Variants in KHDRBS2 observed in about 807,000 individuals in gnomAD.
KHDRBS2 encodes the protein KH RNA binding domain containing, signal transduction associated 2, also known as KH domain-containing, RNA-binding, signal transduction-associated protein 2.
KHDRBS2 carries 26 observed loss-of-function variants against 44.3 expected under a neutral mutation model. The ratio of observed to expected loss-of-function variants is 0.59; its 90% CI spans 0.43 to 0.81. KHDRBS2 has a LOEUF of 0.81. Ranked by LOEUF, KHDRBS2 falls within the 40% of genes least tolerant of loss-of-function variation. The pLI is 0.00. For missense variants in KHDRBS2, 476 were observed against 433.1 expected (o/e 1.10, Z -0.88); for synonymous variants, 194 against 151.1 (o/e 1.28, Z -2.08).
intron 4 of KHDRBS2, among the ~76,000 whole-genome samples, chr6:61,958,436 G>A (rs1417667461): frequency 1.3e-5 from 2 of 152,108 alleles, no homozygotes; most frequent in Admixed American, 6.6e-5. Context: ...TCATGCTGTT[G>A]TCTGTAAGCT....
chr6:61,787,240 T>C (rs1317545717), intron 6 of KHDRBS2, among the ~76,000 whole-genome samples: 3 of 151,614 alleles, frequency 2.0e-5, no homozygotes, highest in African/African-American at 7.2e-5. Flanking sequence ...TCTGTGCACA[T>C]AAATCTTTGA....
At chr6:62,217,143 T>G (rs1489126453) in intron 1 of KHDRBS2, among the ~76,000 whole-genome samples, 1 of 151,706 alleles carries the variant, frequency 6.6e-6, no homozygotes, top group Non-Finnish European at 1.5e-5. Flanking sequence ...CAGAGAATAA[T>G]GCATGTGCTT....
intron 6 of KHDRBS2, among the ~76,000 whole-genome samples, chr6:61,825,470 C>T (rs534163641): frequency 5.6e-4 from 85 of 152,238 alleles, no homozygotes; most frequent in African/African-American, 2.0e-3. Flanking sequence ...TGTGTACTTA[C>T]ACCAAAATTA....
intron 6 of KHDRBS2, among the ~76,000 whole-genome samples, chr6:61,788,516 T>C (rs1784165051): frequency 6.6e-6 from 1 of 151,482 alleles, no homozygotes. Flanking sequence ...ATTTATGTAG[T>C]ATCTCACATA....
intron 6 of KHDRBS2, among the ~76,000 whole-genome samples, chr6:61,815,605 A>C (rs929088648): frequency 1.3e-5 from 2 of 152,208 alleles, no homozygotes; most frequent in Non-Finnish European, 2.9e-5. Flanking sequence ...CAAGAGGGAA[A>C]TAACAGAGCA....
chr6:62,256,348 G>T (rs1837390603), intron 1 of KHDRBS2, among the ~76,000 whole-genome samples: 1 of 151,930 alleles, frequency 6.6e-6, no homozygotes, highest in Non-Finnish European at 1.5e-5. Flanking sequence ...ATCTTGAATT[G>T]TAGCTCTCAC....
intron 4 of KHDRBS2, among the ~76,000 whole-genome samples, chr6:61,971,191 C>T (rs564416670): frequency 4.6e-5 from 7 of 152,088 alleles, no homozygotes; most frequent in South Asian, 2.1e-4. Flanking sequence ...ACATACACTA[C>T]GTAGAAAGAC....
intron 2 of KHDRBS2, among the ~76,000 whole-genome samples, chr6:62,067,389 T>C (rs1454988159): frequency 6.6e-6 from 1 of 151,522 alleles, no homozygotes; most frequent in Non-Finnish European, 1.5e-5. Flanking sequence ...TACATGATTC[T>C]AGTAAGACAA....
the KHDRBS2 span, among the ~76,000 whole-genome samples, chr6:61,636,196 A>T: frequency 6.6e-6 from 1 of 152,054 alleles, no homozygotes; most frequent in Non-Finnish European, 1.5e-5. Context: ...TATTCATTTC[A>T]TTTACATGTT....
intron 4 of KHDRBS2, among the ~76,000 whole-genome samples, chr6:61,930,692 G>A (rs1021616970): frequency 7.3e-5 from 11 of 150,444 alleles, no homozygotes; most frequent in South Asian, 2.1e-4. Context: ...GTGAGACCCC[G>A]TCTCAAAAAA....
At chr6:62,262,584 C>T (rs1838533837) in intron 1 of KHDRBS2, among the ~76,000 whole-genome samples, 1 of 151,720 alleles carries the variant, frequency 6.6e-6, no homozygotes, top group African/African-American at 2.4e-5. Flanking sequence ...TAGGTTTTAA[C>T]AAACATTTGT....
intron 4 of KHDRBS2, among the ~76,000 whole-genome samples, chr6:61,908,769 G>A (rs1343594103): frequency 2.0e-5 from 3 of 151,856 alleles, no homozygotes; most frequent in African/African-American, 7.3e-5. Flanking sequence ...TGCTCCACTT[G>A]TCAAAAAAAT....
chr6:61,643,983 G>A, the KHDRBS2 span, among the ~76,000 whole-genome samples: 1 of 152,004 alleles, frequency 6.6e-6, no homozygotes, highest in Admixed American at 6.6e-5. Context: ...CCAAAATAGA[G>A]CCCAAATAGC....
chr6:62,173,520 T>C (rs1420671310), intron 2 of KHDRBS2, among the ~76,000 whole-genome samples: 1 of 152,086 alleles, frequency 6.6e-6, no homozygotes, highest in Non-Finnish European at 1.5e-5. Context: ...AAAGAAGAGC[T>C]GGTCCCATTC....
At chr6:61,629,306 A>G in the KHDRBS2 span, among the ~76,000 whole-genome samples, 1 of 152,214 alleles carries the variant, frequency 6.6e-6, no homozygotes, top group Non-Finnish European at 1.5e-5. Context: ...CTCAACAGAG[A>G]AAGAATCATG....
the KHDRBS2 span, among the ~76,000 whole-genome samples, chr6:61,625,476 T>C: frequency 6.6e-6 from 1 of 151,330 alleles, no homozygotes; most frequent in Admixed American, 6.6e-5. Flanking sequence ...GTTGCTACAT[T>C]TTTGGATGCA....
chr6:62,007,705 A>T (rs1779520755), intron 3 of KHDRBS2, among the ~76,000 whole-genome samples: 1 of 152,094 alleles, frequency 6.6e-6, no homozygotes, highest in Non-Finnish European at 1.5e-5. Context: ...TCACAAGAAG[A>T]AATTTAGTGG....
At chr6:61,820,408 T>A (rs476530) in intron 6 of KHDRBS2, among the ~76,000 whole-genome samples, 2 of 151,830 alleles carry the variant, frequency 1.3e-5, no homozygotes, top group South Asian at 2.1e-4. Context: ...GATTTTGGGC[T>A]TGAGCAGTGG....
chr6:61,766,959 C>T (rs9342270), intron 6 of KHDRBS2, among the ~76,000 whole-genome samples: 43 of 152,086 alleles, frequency 2.8e-4, no homozygotes, highest in Non-Finnish European at 5.2e-4. Flanking sequence ...CTGTAAATAC[C>T]TATTAGGGCT....
Sources: allele counts gnomAD v4.1 joint callset (sites outside exome capture counted in the v4.1 genomes callset), GRCh38; gene constraint gnomAD v4.1.1; transcripts MANE v1.5; gene names NCBI Gene and HGNC (gene_info 2026-07-23, HGNC 2026-07-21).